Variants in RDX observed in about 807,000 individuals in gnomAD.
RDX encodes the protein radixin.
In RDX, 32 loss-of-function variants were observed where a neutral mutation model predicts 83.7. That is an observed-to-expected ratio of 0.38 (90% confidence interval 0.29 to 0.51). The LOEUF is 0.51. Ranked by LOEUF, RDX falls within the 20% of genes least tolerant of loss-of-function variation. The pLI, the probability that RDX is intolerant of heterozygous loss-of-function variation, is 0.87. For missense variants in RDX, 600 were observed against 689.9 expected, an observed-to-expected ratio of 0.87 and a Z score of 1.46; for synonymous variants, 229 against 222.7, an observed-to-expected ratio of 1.03 and a Z score of -0.25.
Position 110,284,115 on chromosome 11 carries a change from C to T in RDX, c.-64-4359G>A, listed in dbSNP as rs77183474. ...TACGCATGCTAAGGTTGACGAACAA[C>T]GTTGGTAAACAAGTAGGTAAGTATT... On this transcript the variant is annotated intron_variant, in intron 1 of 13. Coordinates refer to ENST00000645495, the MANE Select transcript of RDX (RefSeq NM_002906.4). 1.4e-4 allele frequency among the ~76,000 whole-genome samples: 22 copies of T among 152,290 alleles called. No individual in the cohort carries two copies. The East Asian group carries it at 3.5e-3, about 24-fold the overall frequency.
At chr11:110,215,048 AAAT>A (rs1338746273) in intron 14 of RDX, among the ~76,000 whole-genome samples, 6,006 of 74,686 alleles carry the variant, frequency 0.08, 137 homozygotes, top group Non-Finnish European at 0.11. Flanking sequence ...AAAAAAAAAA[AAAT>A]ATATATATAT....
intron 15 of RDX, among the ~76,000 whole-genome samples, chr11:110,189,850 G>A (rs903546415): frequency 1.3e-4 from 20 of 152,188 alleles, no homozygotes; most frequent in Non-Finnish European, 1.9e-4. Flanking sequence ...TTGGGAGGCC[G>A]AGGTGGGCAG....
At chr11:110,204,543 T>A (rs1309296910) in intron 14 of RDX, among the ~76,000 whole-genome samples, 28 of 146,394 alleles carry the variant, frequency 1.9e-4, no homozygotes, top group African/African-American at 6.8e-4. Flanking sequence ...TGAGACAGAG[T>A]TTCACTCTTC....
At chr11:110,193,250 G>A (rs1210089787) in intron 15 of RDX, among the ~76,000 whole-genome samples, 5 of 152,182 alleles carry the variant, frequency 3.3e-5, no homozygotes, top group African/African-American at 1.2e-4. Context: ...ATTATCCTAA[G>A]CAAATTAACA....
Position 110,254,018 on chromosome 11 carries a change from T to G in RDX, c.887A>C (p.Lys296Thr). Residue 296 changes from lysine (K) to threonine (T), a missense_variant, in exon 9 of 14, where the codon AAG becomes ACG. Physicochemically the swap from Lys to Thr is moderately conservative, Grantham distance 78. Coordinates refer to ENST00000645495, the MANE Select transcript of RDX (RefSeq NM_002906.4). ...GNHELYMRRR[K>T]PDTIEVQQMK... ...CTGTTGTACTTCAATAGTATCAGGC[T>G]TCCTTCTTCGCATGTATAGTTCATG... The G allele has an allele frequency of 6.2e-7, 1 of 1,613,764 alleles. No individual in the cohort carries two copies. The highest frequency in any genetic ancestry group is 8.5e-7 in the Non-Finnish European group (1 of 1,179,824).
intron 12 of RDX, among the ~76,000 whole-genome samples, chr11:110,234,082 T>C (rs1268899813): frequency 6.6e-6 from 1 of 152,206 alleles, no homozygotes; most frequent in Non-Finnish European, 1.5e-5. Context: ...TTATGAACAA[T>C]ACCCCCTTTT....
chr11:110,220,876 T>C (rs1012028330), intron 14 of RDX, among the ~76,000 whole-genome samples: 6 of 102,118 alleles, frequency 5.9e-5, no homozygotes, highest in Non-Finnish European at 1.1e-4. Context: ...AAACAGCCTC[T>C]GTAAAAAAAA....
intron 1 of RDX, among the ~76,000 whole-genome samples, chr11:110,291,084 T>C (rs1861221866): frequency 6.6e-6 from 1 of 152,154 alleles, no homozygotes; most frequent in Non-Finnish European, 1.5e-5. Context: ...GCCTGCACTT[T>C]AGGAGGCTGA....
chr11:110,176,540 C>T (rs935872800), intron 15 of RDX, among the ~76,000 whole-genome samples: 3 of 152,200 alleles, frequency 2.0e-5, no homozygotes, highest in Non-Finnish European at 2.9e-5. Flanking sequence ...ACCCTGTCAG[C>T]AGTGACTGTA....
At chr11:110,249,727 T>G (rs151332213) in intron 9 of RDX, among the ~76,000 whole-genome samples, 210 of 152,188 alleles carry the variant, frequency 1.4e-3, no homozygotes, top group Admixed American at 2.4e-3. Flanking sequence ...AATAAAAAAT[T>G]AGCCGGGCAT....
At chr11:110,188,418 G>C (rs747518230) in intron 15 of RDX, among the ~76,000 whole-genome samples, 13 of 151,950 alleles carry the variant, frequency 8.6e-5, no homozygotes, top group Admixed American at 5.9e-4. Context: ...ATGGAAAAGC[G>C]AACATCGTAT....
chr11:110,223,397 C>G (rs1352699854), intron 14 of RDX, among the ~76,000 whole-genome samples: 1 of 151,910 alleles, frequency 6.6e-6, no homozygotes, highest in East Asian at 1.9e-4. Flanking sequence ...GGCATGGTGG[C>G]ACACACCCTT....
chr11:110,237,414 CTTTTCT>C, intron 11 of RDX, 72 bp downstream of exon 11: 1 of 1,418,420 alleles, frequency 7.1e-7, no homozygotes, highest in Non-Finnish European at 9.6e-7. Flanking sequence ...AAAATGGTTG[CTTTTCT>C]TTTTTTCTTT....
intron 1 of RDX, 61 bp downstream of exon 1, chr11:110,296,406 C>T (rs1861464288): frequency 6.6e-6 from 1 of 151,724 alleles, no homozygotes; most frequent in African/African-American, 2.4e-5. Context: ...GCGCCGCCAC[C>T]TTAGCGTCTC....
At chr11:110,204,957 A>G (rs1417073956) in intron 14 of RDX, among the ~76,000 whole-genome samples, 1 of 152,250 alleles carries the variant, frequency 6.6e-6, no homozygotes, top group Non-Finnish European at 1.5e-5. Flanking sequence ...TTTTACAAAC[A>G]AGGTGTAGCA....
At chr11:110,287,935 A>G (rs1861053274) in intron 1 of RDX, among the ~76,000 whole-genome samples, 1 of 152,224 alleles carries the variant, frequency 6.6e-6, no homozygotes, top group African/African-American at 2.4e-5. Flanking sequence ...ACCATTTTAG[A>G]CAAGTTCATT....
At position 110,236,152 on chromosome 11, in the gene RDX, G is replaced by C; in HGVS notation, c.1291C>G (p.Leu431Val). The C allele has an allele frequency of 6.2e-7, 1 of 1,612,602 alleles. No individual in the cohort carries two copies. The change falls in exon 12 of 14, where the codon CTA becomes GTA. Residue 431 changes from leucine to valine, a missense_variant. Leu to Val is a conservative substitution (Grantham distance 32). Transcript: ENST00000645495. ...TCCTTTTTCTTCTTGGCTTCCTCTAGAAGTGCAATCTTGGCAGTGAATTCA... is the reference window on the plus strand; with the variant it reads ...TCCTTTTTCTTCTTGGCTTCCTCTACAAGTGCAATCTTGGCAGTGAATTCA... ...LAEFTAKIAL[L>V]EEAKKKKEEE... is the part of the protein sequence containing the mutation.
chr11:110,219,828 A>G (rs1480846227), intron 14 of RDX, among the ~76,000 whole-genome samples: 1 of 152,194 alleles, frequency 6.6e-6, no homozygotes, highest in African/African-American at 2.4e-5. Context: ...TTAAATATAT[A>G]CATCTGAAGT....
At chr11:110,193,382 T>C (rs542192785) in intron 15 of RDX, among the ~76,000 whole-genome samples, 46 of 151,842 alleles carry the variant, frequency 3.0e-4, no homozygotes, top group African/African-American at 1.0e-3. Flanking sequence ...GGAGAGAGGG[T>C]TGGGGGCAGG....
Sources: allele counts gnomAD v4.1 joint callset (sites outside exome capture counted in the v4.1 genomes callset), GRCh38; gene constraint gnomAD v4.1.1; transcripts MANE v1.5; gene names NCBI Gene and HGNC (gene_info 2026-07-23, HGNC 2026-07-21).